Variants in SHANK1 observed in about 807,000 individuals in gnomAD.
SHANK1 encodes the protein SH3 and multiple ankyrin repeat domains 1.
Under a neutral mutation model 165.6 loss-of-function variants are expected in SHANK1, and 35 were observed. The observed-to-expected ratio is 0.21, with a 90% CI of 0.16 to 0.28. The LOEUF (loss-of-function observed/expected upper bound fraction) is 0.28. Among genes scored for constraint, SHANK1 ranks in the 10% least tolerant of loss-of-function variants. SHANK1 has a pLI of 1.00. For missense variants in SHANK1, 2,681 were observed against 3,036.4 expected (o/e 0.88, Z 2.75); for synonymous variants, 1,428 against 1,384.8 (o/e 1.03, Z -0.69).
At position 50,662,473 on chromosome 19, in the gene SHANK1, G is replaced by A; in HGVS notation, c.5978C>T (p.Pro1993Leu). 6.4e-7 allele frequency: 1 copy of A among 1,553,182 alleles called. No individual in the cohort carries two copies. ...LQGVEFEMRP[P>L]LLRRAPSPSL... The stretch of plus-strand genomic sequence containing the variant: ...GGGGCTGGGGGCCCGGCGGAGCAGA[G>A]GGGGCCGCATCTCGAACTCCACGCC... The change falls in exon 24 of 24, where the codon CCT (proline) becomes CTT (leucine). Residue 1993 changes from proline (P) to leucine (L), a missense_variant. Physicochemically the swap from Pro to Leu is moderately conservative, Grantham distance 98. Transcript: ENST00000293441. This position sits in a 1 kb window ranked among gnomAD's most constrained non-coding sequence, Gnocchi z 7.7.
At chr19:50,696,269 G>T (rs983258222) in intron 15 of SHANK1, among the ~76,000 whole-genome samples, 4 of 152,134 alleles carry the variant, frequency 2.6e-5, no homozygotes, top group Non-Finnish European at 5.9e-5. Flanking sequence ...TCGGGGTGTG[G>T]GGGGGTGTAC....
chr19:50,709,508 C>G (rs2088983492), intron 8 of SHANK1, among the ~76,000 whole-genome samples: 1 of 151,918 alleles, frequency 6.6e-6, no homozygotes. Context: ...GGGAAAATGA[C>G]TTGTGCAACT....
chr19:50,667,763 G>A lies in SHANK1; in HGVS notation c.4197C>T (p.Ala1399=). The change falls in exon 23 of 24, where the codon GCC becomes GCT. Residue 1399 remains alanine, a synonymous_variant. Coordinates refer to ENST00000293441, the MANE Select transcript of SHANK1 (RefSeq NM_016148.5). The surrounding 1 kb of genome is among the most constrained non-coding windows in gnomAD (Gnocchi z 5.7). ...PPTPHHHSPH[A]HHEPVLRLWG... ...AGAGACGCAGCACTGGCTCGTGGTG[G>A]GCGTGGGGCGAGTGGTGGTGCGGGG... is the stretch of plus-strand genomic sequence containing the variant. 7.6e-7 allele frequency: 1 copy of A among 1,308,876 alleles called. No homozygotes were observed. 81.1% of individuals were successfully genotyped at this position (1,308,876 alleles called of 1,614,324 possible).
intron 4 of SHANK1, 72 bp from the exon 5 acceptor site, chr19:50,714,362 C>G (rs972440327): frequency 7.6e-7 from 1 of 1,309,222 alleles, no homozygotes; most frequent in African/African-American, 1.5e-5. Context: ...CCTCAAGCAG[C>G]GACGTCCAGT....
intron 10 of SHANK1, 103 bp from the exon 11 acceptor site, chr19:50,703,933 AAGAC>A (rs1568442151): frequency 1.1e-5 from 8 of 709,912 alleles, no homozygotes; most frequent in East Asian, 2.7e-5. Context: ...ATGAGGGAGA[AAGAC>A]AGAGATGAGA....
Position 50,716,679 on chromosome 19 carries a change from C to G in SHANK1, c.241G>C (p.Asp81His). ...SMMVFRIGIP[D>H]LHQTKCLRFN... is the part of the protein sequence containing the mutation. ...CAGGTACTCACTGTCTGGTGCAGGT[C>G]CGGGATGCCAATCCTGAAGACCATC... is the stretch of plus-strand genomic sequence containing the variant. The change falls in exon 2 of 24, where the codon GAC (aspartate) becomes CAC (histidine). Residue 81 changes from aspartate to histidine, a missense_variant. Around this residue, in one of 10 missense-constraint regions of SHANK1, gnomAD observed 189 missense variants for 440.9 expected, o/e 0.43. Coordinates refer to ENST00000293441, the MANE Select transcript of SHANK1 (RefSeq NM_016148.5). This position sits in a 1 kb window ranked among gnomAD's most constrained non-coding sequence, Gnocchi z 8.4. 1 of 1,580,226 alleles carries G rather than the reference C, an allele frequency of 6.3e-7. No homozygotes were observed. Among genetic ancestry groups the G allele is most frequent in the Non-Finnish European group, 8.6e-7 (1 of 1,163,510 alleles).
chr19:50,694,187 A>T (rs963402530), intron 15 of SHANK1, among the ~76,000 whole-genome samples: 11 of 151,600 alleles, frequency 7.3e-5, no homozygotes, highest in Admixed American at 2.6e-4. Context: ...TCTCTCTCTC[A>T]CACACACACG....
chr19:50,711,322 GCGGCTAT>G, intron 8 of SHANK1, 42 bp downstream of exon 8: 1 of 1,301,384 alleles, frequency 7.7e-7, no homozygotes, highest in Non-Finnish European at 1.1e-6. Context: ...CCTGGGGGAG[GCGGCTAT>G]CGGGGATGTG....
intron 23 of SHANK1, among the ~76,000 whole-genome samples, chr19:50,665,732 G>A (rs1190144515): frequency 7.5e-5 from 3 of 39,862 alleles, no homozygotes. Flanking sequence ...GTGAGACCCT[G>A]TTTCTAAAAA....
At chr19:50,673,814 CT>C (rs35868452) in intron 21 of SHANK1, among the ~76,000 whole-genome samples, 18,233 of 144,358 alleles carry the variant, frequency 0.13, 1,231 homozygotes, top group Middle Eastern at 0.2. Context: ...AAAATTTAAA[CT>C]TTTTTTTTTT....
intron 8 of SHANK1, among the ~76,000 whole-genome samples, chr19:50,709,416 C>T (rs1346951624): frequency 2.0e-5 from 3 of 152,234 alleles, no homozygotes; most frequent in Non-Finnish European, 4.4e-5. Context: ...GCTGGAATTA[C>T]AGGCGTGAGC....
intron 21 of SHANK1, among the ~76,000 whole-genome samples, chr19:50,674,624 G>C (rs1474369960): frequency 6.6e-6 from 1 of 152,088 alleles, no homozygotes; most frequent in Non-Finnish European, 1.5e-5. Context: ...CCCCCCTAGA[G>C]CAGCCACTAG....
chr19:50,677,428 C>T (rs902578708), intron 21 of SHANK1, among the ~76,000 whole-genome samples: 3 of 152,078 alleles, frequency 2.0e-5, no homozygotes, highest in African/African-American at 7.2e-5. Context: ...CATGCCTGGC[C>T]CCCATACTTC....
chr19:50,702,609 C>A lies in SHANK1; in HGVS notation c.1605G>T (p.Gly535=). ...EGPAGGTGGS[G]GPGGSLGSRG... is the part of the protein sequence containing the mutation. ...GGCTGCCCAGGGAGCCCCCGGGGCC[C>A]CCTGAGCCCCCCGTGCCCCCGGCTG... The change falls in exon 12 of 24, where the codon GGG becomes GGT. Residue 535 remains glycine (G), a synonymous_variant. Coordinates refer to ENST00000293441, the MANE Select transcript of SHANK1 (RefSeq NM_016148.5). This position sits in a 1 kb window ranked among gnomAD's most constrained non-coding sequence, Gnocchi z 5.3. The A allele has an allele frequency of 3.1e-6, 5 of 1,592,804 alleles. No homozygotes were observed. Among genetic ancestry groups the A allele is most frequent in the Non-Finnish European group, 4.3e-6 (5 of 1,170,308 alleles).
chr19:50,674,272 A>G (rs1466673241), intron 21 of SHANK1, among the ~76,000 whole-genome samples: 1 of 152,096 alleles, frequency 6.6e-6, no homozygotes, highest in Non-Finnish European at 1.5e-5. Context: ...AGGGAGAATC[A>G]GCCAAGGTCA....
Position 50,697,768 on chromosome 19 carries a change from C to A in SHANK1, c.1861+75G>T. Reference sequence around the variant, plus strand: ...TTCCCATCTACCTCCCAGTACCCCACCCCCATTAGGAAGGGAAAGGAGTGG... The same window carrying A: ...TTCCCATCTACCTCCCAGTACCCCAACCCCATTAGGAAGGGAAAGGAGTGG... On this transcript the variant is annotated intron_variant, in intron 13 of 23. Transcript: ENST00000293441. This position sits in a 1 kb window ranked among gnomAD's most constrained non-coding sequence, Gnocchi z 4.7. The A allele has an allele frequency of 6.6e-7, 1 of 1,509,104 alleles. No individual in the cohort carries two copies. 93.5% of individuals were successfully genotyped at this position (1,509,104 alleles called of 1,614,324 possible). A position where few individuals can be genotyped will look rare whatever the true frequency, so the allele number is the denominator to read the frequency against.
rs201323745 is a variant in SHANK1, at chr19:50,669,164, G to C, written c.2796C>G (p.Pro932=). ...PPPTTSPPEP[P]YSTPPVPSSS... is the part of the protein sequence containing the mutation. Reference sequence around the variant, plus strand: ...AGGAGGGGACTGGAGGTGTGCTGTAGGGAGGCTCCGGTGGGGACGTGGTGG... The same window carrying C: ...AGGAGGGGACTGGAGGTGTGCTGTACGGAGGCTCCGGTGGGGACGTGGTGG... Residue 932 remains proline, a synonymous_variant, in exon 23 of 24, where the codon CCC becomes CCG. Transcript: ENST00000293441. 3 of 1,590,936 alleles carry C rather than the reference G, an allele frequency of 1.9e-6. No homozygotes were observed. The East Asian group carries it at 6.9e-5, about 37-fold the overall frequency.
chr19:50,695,138 T>G (rs1986692525), intron 15 of SHANK1, among the ~76,000 whole-genome samples: 2 of 141,306 alleles, frequency 1.4e-5, no homozygotes, highest in Non-Finnish European at 3.1e-5. Flanking sequence ...CGAACCCCCG[T>G]GTCCGGGCCC....
Position 50,659,965 on chromosome 19 carries a change from G to C in SHANK1, c.*2000C>G. On this transcript the variant is annotated 3_prime_UTR_variant, in exon 24 of 24. Transcript: ENST00000293441. ...CCCCCCTCCCACGACCCTCCCACGAGGTTCCCCGCAGATCCCTGACATGGT... is the reference window on the plus strand; with the variant it reads ...CCCCCCTCCCACGACCCTCCCACGACGTTCCCCGCAGATCCCTGACATGGT... 6.6e-6 allele frequency among the ~76,000 whole-genome samples: 1 copy of C among 150,976 alleles called. No homozygotes were observed. The highest frequency in any genetic ancestry group is 1.5e-5 in the Non-Finnish European group (1 of 67,604).
Sources: allele counts gnomAD v4.1 joint callset (sites outside exome capture counted in the v4.1 genomes callset), GRCh38; gene constraint gnomAD v4.1.1; regional missense constraint gnomAD v4.1.1; non-coding constraint Gnocchi (gnomAD v3.1); transcripts MANE v1.5; gene names NCBI Gene and HGNC (gene_info 2026-07-23, HGNC 2026-07-21).